Variants in USP31 observed in about 807,000 individuals in gnomAD.
The protein encoded by USP31 is ubiquitin specific peptidase 31.
In USP31, 44 loss-of-function variants were observed where a neutral mutation model predicts 119.4. That is an observed-to-expected ratio of 0.37 (90% CI 0.29 to 0.47). The LOEUF (loss-of-function observed/expected upper bound fraction) is 0.47. Among genes scored for constraint, USP31 ranks in the 20% least tolerant of loss-of-function variants. USP31 has a pLI of 0.99. For missense variants in USP31, 1,643 were observed against 1,730.2 expected (o/e 0.95, Z 0.89); for synonymous variants, 749 against 705.6 (o/e 1.06, Z -0.97).
rs1902054912 is a variant in USP31, at chr16:23,105,446, C to T, written c.1084G>A (p.Asp362Asn). The change falls in exon 5 of 16, where the codon GAT becomes AAT. Residue 362 changes from aspartate (D) to asparagine (N), a missense_variant. Physicochemically the swap from Asp to Asn is conservative, Grantham distance 23. This residue lies in a region of USP31 where 144 missense variants were observed against 218.0 expected (regional missense o/e 0.66). Transcript: ENST00000219689. ...GGTCTTAGCAGACTTATTACCTGATCAGTGGGGATCTTTGTTTCCATAGAC... is the reference window on the plus strand; with the variant it reads ...GGTCTTAGCAGACTTATTACCTGATTAGTGGGGATCTTTGTTTCCATAGAC... ...AVSMETKIPT[D>N]QIVLTEMYYD... The T allele has an allele frequency of 6.2e-7, 1 of 1,613,158 alleles. No homozygotes were observed. The highest frequency in any genetic ancestry group is 8.5e-7 in the Non-Finnish European group (1 of 1,179,646).
intron 1 of USP31, among the ~76,000 whole-genome samples, chr16:23,137,595 A>G (rs1903231181): frequency 6.6e-6 from 1 of 151,220 alleles, no homozygotes; most frequent in African/African-American, 2.4e-5. Flanking sequence ...AATATAACAC[A>G]TGACATATAT....
Position 23,087,154 on chromosome 16 carries a change from A to G in USP31, c.1560T>C (p.Val520=). 2 of 1,613,844 alleles carry G rather than the reference A, an allele frequency of 1.2e-6. No homozygotes were observed. Among genetic ancestry groups the G allele is most frequent in the Non-Finnish European group, 1.7e-6 (2 of 1,179,888 alleles). The change falls in exon 9 of 16, where the codon GTT becomes GTC. Residue 520 remains valine, a synonymous_variant. Coordinates refer to ENST00000219689, the MANE Select transcript of USP31 (RefSeq NM_020718.4). ...GGGGCAGCAAATATGTTATTCCAAC[A>G]ACACTGACCACACGCAAGCTGAATG... ...VCPFSLRVVS[V]VGITYLLPQE... is the part of the protein sequence containing the mutation.
chr16:23,071,461 AAG>A (rs1900338685), intron 15 of USP31, among the ~76,000 whole-genome samples: 1 of 121,566 alleles, frequency 8.2e-6, no homozygotes, highest in Admixed American at 8.6e-5. Context: ...CAGAAAGTGA[AAG>A]TTTAAAAAGA....
At position 23,114,452 on chromosome 16, in the gene USP31, GA is replaced by G. The variant is rs917531470; in HGVS notation, c.634-6270del. On this transcript the variant is annotated intron_variant, in intron 1 of 15. Coordinates refer to ENST00000219689, the MANE Select transcript of USP31 (RefSeq NM_020718.4). ...CTGACTCCCAATGGGGAAAAAATAG[GA>G]AAAAAAAAAAAAAAAAGAAAGTTTC... is the stretch of plus-strand genomic sequence containing the variant. Among the ~76,000 whole-genome samples, 587 of 89,918 alleles carry G rather than the reference GA, an allele frequency of 6.5e-3. 5 individuals carry two copies. The highest frequency in any genetic ancestry group is 0.015 in the African/African-American group (346 of 23,810). 59.0% of individuals were successfully genotyped at this position (89,918 alleles called of 152,430 possible). A position where few individuals can be genotyped will look rare whatever the true frequency, so the allele number is the denominator to read the frequency against.
intron 1 of USP31, among the ~76,000 whole-genome samples, chr16:23,143,873 C>G (rs1031274079): frequency 6.6e-6 from 1 of 151,986 alleles, no homozygotes; most frequent in African/African-American, 2.4e-5. Context: ...GACAAATGTC[C>G]CAGGGGGTGG....
rs1294638893 is a variant in USP31, at chr16:23,148,948, G to C, written c.323C>G (p.Pro108Arg). 118 of 1,060,342 alleles carry C rather than the reference G, an allele frequency of 1.1e-4. No homozygotes were observed. The highest frequency in any genetic ancestry group is 1.3e-4 in the Non-Finnish European group (116 of 876,558). 65.7% of individuals were successfully genotyped at this position (1,060,342 alleles called of 1,614,324 possible). Reference sequence around the variant, plus strand: ...CGGCGCGGGAGAGGCGGGCGGCGGCGGGCACGGCGGCGGCGTGGGCGCGGC... The same window carrying C: ...CGGCGCGGGAGAGGCGGGCGGCGGCCGGCACGGCGGCGGCGTGGGCGCGGC... ...PAAAPTPPPCPPPPASPAPPA... is the reference protein window; with the variant it reads ...PAAAPTPPPCRPPPASPAPPA... Residue 108 changes from proline (P) to arginine (R), a missense_variant, in exon 1 of 16, where the codon CCG becomes CGG. Transcript: ENST00000219689.
intron 7 of USP31, among the ~76,000 whole-genome samples, chr16:23,089,106 G>A (rs1173993803): frequency 2.6e-5 from 4 of 152,126 alleles, no homozygotes; most frequent in Admixed American, 6.5e-5. Context: ...ATCATGAAGG[G>A]AATTCCACAG....
At chr16:23,100,994 G>A (rs1423502674) in intron 6 of USP31, among the ~76,000 whole-genome samples, 3 of 152,160 alleles carry the variant, frequency 2.0e-5, no homozygotes, top group Non-Finnish European at 2.9e-5. Context: ...GAAAGGCAAG[G>A]ACCAAATCAT....
intron 1 of USP31, among the ~76,000 whole-genome samples, chr16:23,109,028 G>A (rs1307806181): frequency 6.6e-6 from 1 of 152,216 alleles, no homozygotes; most frequent in Non-Finnish European, 1.5e-5. Flanking sequence ...TGGATGCCAA[G>A]TTTCTCATAG....
chr16:23,089,479 T>G (rs1901257349), intron 7 of USP31, among the ~76,000 whole-genome samples: 1 of 152,174 alleles, frequency 6.6e-6, no homozygotes, highest in East Asian at 1.9e-4. Flanking sequence ...CCCCAGTGTT[T>G]AGAACCATGC....
chr16:23,110,729 T>C (rs776112170), intron 1 of USP31, among the ~76,000 whole-genome samples: 2 of 152,182 alleles, frequency 1.3e-5, no homozygotes, highest in Non-Finnish European at 2.9e-5. Flanking sequence ...TGGATAATAA[T>C]GACTCAGTGT....
intron 15 of USP31, 123 bp from the exon 16 acceptor site, chr16:23,069,739 C>T: frequency 7.7e-7 from 1 of 1,305,892 alleles, no homozygotes; most frequent in Non-Finnish European, 1.0e-6. Flanking sequence ...ACCTTCAGAG[C>T]CAGCCCATCT....
intron 1 of USP31, among the ~76,000 whole-genome samples, chr16:23,112,523 T>C (rs184602885): frequency 6.3e-4 from 96 of 151,424 alleles, no homozygotes; most frequent in Middle Eastern, 3.5e-3. Flanking sequence ...TGCAGTGAGC[T>C]GAGAACGCGC....
chr16:23,148,960 G>T lies in USP31; in HGVS notation c.311C>A (p.Pro104Gln). 2.0e-6 allele frequency: 2 copies of T among 1,019,212 alleles called. No individual in the cohort carries two copies. Among genetic ancestry groups the T allele is most frequent in the Non-Finnish European group, 2.4e-6 (2 of 850,360 alleles). The allele number at this position is 1,019,212 out of a possible 1,614,324, so 63.1% of individuals were successfully genotyped here. The change falls in exon 1 of 16, where the codon CCG (proline) becomes CAG (glutamine). Residue 104 changes from proline (P) to glutamine (Q), a missense_variant. Transcript: ENST00000219689. ...GGCGGGCGGCGGCGGGCACGGCGGC[G>T]GCGTGGGCGCGGCGGCCGGCCCGGG... ...FPPGPAAAPT[P>Q]PPCPPPPASP...
chr16:23,107,238 G>A (rs185880499), intron 2 of USP31, among the ~76,000 whole-genome samples: 13 of 152,042 alleles, frequency 8.6e-5, no homozygotes, highest in Middle Eastern at 3.4e-3. Flanking sequence ...ATGTCCCTCC[G>A]CCTAACAATT....
chr16:23,133,152 T>C (rs1903080540), intron 1 of USP31, among the ~76,000 whole-genome samples: 1 of 152,220 alleles, frequency 6.6e-6, no homozygotes, highest in Non-Finnish European at 1.5e-5. Context: ...AACCTGCTCA[T>C]AAATCCTGTA....
chr16:23,098,839 T>C (rs890999520), intron 6 of USP31, among the ~76,000 whole-genome samples: 14 of 152,222 alleles, frequency 9.2e-5, no homozygotes, highest in African/African-American at 3.4e-4. Flanking sequence ...GATTAAAGAC[T>C]TAAATCTTAG....
chr16:23,082,367 GAGCCCATC>G lies in USP31; in HGVS notation c.1950+63_1950+70del, dbSNP rs1285614890. 4.4e-6 allele frequency: 7 copies of G among 1,588,474 alleles called. No individual in the cohort carries two copies. The African/African-American group carries it at 9.4e-5, about 21-fold the overall frequency. ...ACAGGTATACCAAAGAACCCTCACAGAGCCCATCAGCAGGGGGCATAAGAAACTTGTCA... is the reference window on the plus strand; with the variant it reads ...ACAGGTATACCAAAGAACCCTCACAGAGCAGGGGGCATAAGAAACTTGTCA... On this transcript the variant is annotated intron_variant, in intron 12 of 15. Transcript: ENST00000219689.
chr16:23,130,979 T>C (rs1946212843), intron 1 of USP31, among the ~76,000 whole-genome samples: 1 of 152,208 alleles, frequency 6.6e-6, no homozygotes, highest in Non-Finnish European at 1.5e-5. Flanking sequence ...CGGACCTGCA[T>C]TCTCTAACTT....
Sources: allele counts gnomAD v4.1 joint callset (sites outside exome capture counted in the v4.1 genomes callset), GRCh38; gene constraint gnomAD v4.1.1; regional missense constraint gnomAD v4.1.1; transcripts MANE v1.5; gene names NCBI Gene and HGNC (gene_info 2026-07-23, HGNC 2026-07-21).